Variants in KIF15 observed in about 807,000 individuals in gnomAD.
KIF15 encodes the protein kinesin-like protein KIF15.
A neutral mutation model predicts 190.6 loss-of-function variants in KIF15; 140 were observed. That is an observed-to-expected ratio of 0.73 (90% CI 0.64 to 0.84). KIF15 has a LOEUF of 0.84. KIF15 is among the 40% of genes least tolerant of loss of function. KIF15 has a pLI of 0.00. For synonymous variants in KIF15, 528 were observed against 551.3 expected (o/e 0.96, Z 0.59); for missense variants, 1,372 against 1,584.4 (o/e 0.87, Z 2.28).
At chr3:44,847,392 G>A (rs890611416) in intron 30 of KIF15, among the ~76,000 whole-genome samples, 1 of 152,172 alleles carries the variant, frequency 6.6e-6, no homozygotes, top group Non-Finnish European at 1.5e-5. Context: ...GTATTATCTA[G>A]AATGTAATTT....
At chr3:44,852,524 G>T in intron 34 of KIF15, 149 bp from the exon 35 acceptor site, 1 of 788,850 alleles carries the variant, frequency 1.3e-6, no homozygotes, top group Non-Finnish European at 2.0e-6. Flanking sequence ...GCATTTCATA[G>T]ACAGCAGATT....
chr3:44,867,246 C>T (rs1296380910), intron 6 of KIF15, among the ~76,000 whole-genome samples: 1 of 152,192 alleles, frequency 6.6e-6, no homozygotes, highest in Non-Finnish European at 1.5e-5. Context: ...TCAGAGAGGC[C>T]CTGCAGTAAG....
chr3:44,784,506 C>A (rs1027796852), intron 5 of KIF15, among the ~76,000 whole-genome samples: 1 of 152,112 alleles, frequency 6.6e-6, no homozygotes, highest in African/African-American at 2.4e-5. Context: ...ATATTTATTA[C>A]CATTATTATC....
chr3:44,856,603 G>A (rs1364424958), downstream of KIF15, among the ~76,000 whole-genome samples: 4 of 152,084 alleles, frequency 2.6e-5, no homozygotes, highest in African/African-American at 7.2e-5. Flanking sequence ...CTGATGAGAC[G>A]GAGAAAAACT....
downstream of KIF15, among the ~76,000 whole-genome samples, chr3:44,857,726 AGTT>A (rs1171047281): frequency 2.6e-5 from 4 of 152,292 alleles, no homozygotes; most frequent in South Asian, 4.1e-4. Flanking sequence ...GAAGGAAAGG[AGTT>A]GTTGTTTTGT....
intron 30 of KIF15, among the ~76,000 whole-genome samples, chr3:44,845,751 T>C (rs1391458383): frequency 6.6e-6 from 1 of 152,132 alleles, no homozygotes; most frequent in Non-Finnish European, 1.5e-5. Context: ...GCCCCACTTC[T>C]GCACTCACCC....
At chr3:44,867,057 CG>C in intron 6 of KIF15, among the ~76,000 whole-genome samples, 1 of 152,150 alleles carries the variant, frequency 6.6e-6, no homozygotes, top group East Asian at 1.9e-4. Context: ...CCAGCCAACC[CG>C]TGAGGGAGTT....
Position 44,813,123 on chromosome 3 carries a change from C to T in KIF15, c.2326C>T (p.Leu776Phe), listed in dbSNP as rs764467928. 6.3e-7 allele frequency: 1 copy of T among 1,598,048 alleles called. No homozygotes were observed. Among genetic ancestry groups the T allele is most frequent in the South Asian group, 1.1e-5 (1 of 87,042 alleles). Residue 776 changes from leucine (L) to phenylalanine (F), a missense_variant, in exon 19 of 35, where the codon CTC becomes TTC. Leu to Phe is a conservative substitution (Grantham distance 22). Transcript: ENST00000326047. ...IDWTKQQEEL[L>F]SQLNVLEKQL... Reference sequence around the variant, plus strand: ...TTGGACCAAACAGCAGGAAGAGCTTCTCTCACAGTTGAATGTCCTTGAAAA... The same window carrying T: ...TTGGACCAAACAGCAGGAAGAGCTTTTCTCACAGTTGAATGTCCTTGAAAA...
intron 15 of KIF15, 37 bp downstream of exon 15, chr3:44,805,205 CT>C (rs779053731): frequency 6.4e-7 from 1 of 1,566,248 alleles, no homozygotes; most frequent in Non-Finnish European, 8.7e-7. Flanking sequence ...CACTTATTTT[CT>C]TTCAGTGTTC....
Position 44,810,966 on chromosome 3 carries a change from A to G in KIF15, c.2092A>G (p.Ile698Val), listed in dbSNP as rs1418201064. 3.7e-6 allele frequency: 6 copies of G among 1,613,726 alleles called. No homozygotes were observed. Among genetic ancestry groups the G allele is most frequent in the Non-Finnish European group, 5.1e-6 (6 of 1,179,810 alleles). ...GAATTCTAGCATATTAGATAATGATATATTAAATGAGCCAGTTCCTCCTGA... is the reference window on the plus strand; with the variant it reads ...GAATTCTAGCATATTAGATAATGATGTATTAAATGAGCCAGTTCCTCCTGA... Reference protein sequence around the residue: ...TQNSSILDNDILNEPVPPEMN... With the variant: ...TQNSSILDNDVLNEPVPPEMN... Residue 698 changes from isoleucine to valine, a missense_variant, in exon 17 of 35, where the codon ATA (isoleucine) becomes GTA (valine). Physicochemically the swap from Ile to Val is conservative, Grantham distance 29 (BLOSUM62 3). Transcript: ENST00000326047.
chr3:44,812,353 C>A, intron 18 of KIF15, 64 bp downstream of exon 18: 2 of 1,139,482 alleles, frequency 1.8e-6, no homozygotes, highest in Admixed American at 1.8e-5. Context: ...CTTGAGGAAA[C>A]ATCCTCAAGG....
At chr3:44,797,459 C>T in intron 8 of KIF15, 92 bp from the exon 9 acceptor site, 2 of 1,353,834 alleles carry the variant, frequency 1.5e-6, no homozygotes, top group South Asian at 1.3e-5. Context: ...CCTTTTCATC[C>T]AGAATTTTCC....
intron 11 of KIF15, among the ~76,000 whole-genome samples, chr3:44,800,792 A>G (rs1411603773): frequency 6.6e-6 from 1 of 152,176 alleles, no homozygotes; most frequent in Non-Finnish European, 1.5e-5. Flanking sequence ...TTAACTGGAA[A>G]TCCATAAAGG....
intron 22 of KIF15, chr3:44,826,962 T>C (rs535188361): frequency 2.9e-5 from 13 of 455,988 alleles, no homozygotes; most frequent in African/African-American, 4.0e-5. Flanking sequence ...TAGGTACTTA[T>C]GGAGTTCTTC....
At chr3:44,849,618 G>A (rs74840685) in intron 32 of KIF15, among the ~76,000 whole-genome samples, 2,837 of 151,876 alleles carry the variant, frequency 0.019, 76 homozygotes, top group African/African-American at 0.064. Flanking sequence ...TTTTTCCTTT[G>A]TAATTGAAGT....
chr3:44,841,559 G>T (rs1045023396), intron 29 of KIF15, among the ~76,000 whole-genome samples: 1 of 151,782 alleles, frequency 6.6e-6, no homozygotes, highest in Non-Finnish European at 1.5e-5. Flanking sequence ...CACCACACTC[G>T]GCTAATTTTT....
At chr3:44,838,490 T>C (rs914515668) in intron 27 of KIF15, 69 bp downstream of exon 27, 72 of 1,502,408 alleles carry the variant, frequency 4.8e-5, no homozygotes, top group Non-Finnish European at 6.0e-5. Flanking sequence ...ACTCCTGTAA[T>C]CCCAGCACTT....
In KIF15 at chr3:44,834,606, G is replaced by A. The variant is rs149785000; in HGVS notation, c.3171+3588G>A. Reference sequence around the variant, plus strand: ...AAAACTTCCCTAAGGGATATTGAAAGAAATTGAATATTAAAGAAAGAATAG... The same window carrying A: ...AAAACTTCCCTAAGGGATATTGAAAAAAATTGAATATTAAAGAAAGAATAG... On this transcript the variant is annotated intron_variant, in intron 26 of 34. Coordinates refer to ENST00000326047, the MANE Select transcript of KIF15 (RefSeq NM_020242.3). Among the ~76,000 whole-genome samples, 208 of 152,204 alleles carry A rather than the reference G, an allele frequency of 1.4e-3. 1 individual carries two copies. In the East Asian group the frequency reaches 0.037, roughly 27 times the overall value.
intron 1 of KIF15, among the ~76,000 whole-genome samples, chr3:44,767,025 T>C (rs1705417207): frequency 6.6e-6 from 1 of 151,988 alleles, no homozygotes; most frequent in Non-Finnish European, 1.5e-5. Context: ...TTAGCCAGGG[T>C]GGTCTCGATC....
Sources: allele counts gnomAD v4.1 joint callset (sites outside exome capture counted in the v4.1 genomes callset), GRCh38; gene constraint gnomAD v4.1.1; transcripts MANE v1.5; gene names NCBI Gene and HGNC (gene_info 2026-07-23, HGNC 2026-07-21).